Variants in SIK2 observed in about 807,000 individuals in gnomAD.
The protein encoded by SIK2 is salt inducible kinase 2.
In SIK2, 29 loss-of-function variants were observed where a neutral mutation model predicts 103.2. That is an observed-to-expected ratio of 0.28 (90% CI 0.21 to 0.38). The LOEUF (loss-of-function observed/expected upper bound fraction) is 0.38, where lower values mean the gene tolerates loss of function less well. SIK2 is among the 10% of genes least tolerant of loss of function. The pLI, the probability that SIK2 is intolerant of heterozygous loss-of-function variation, is 1.00. For synonymous variants in SIK2, 412 were observed against 446.1 expected (o/e 0.92, Z 0.96); for missense variants, 879 against 1,171.0 (o/e 0.75, Z 3.64).
chr11:111,719,981 A>G lies in SIK2; in HGVS notation c.1473A>G (p.Gln491=), dbSNP rs149194825. ...ACACTCTGTCAGAAGTGACCAATCA[A>G]CTGGTCGTGATGCCTGGGGCAGGTA... The part of the protein sequence containing the change: ...RRHTLSEVTN[Q]LVVMPGAGKI... The change falls in exon 10 of 15, where the codon CAA becomes CAG. Residue 491 remains glutamine (Q), a synonymous_variant. Transcript: ENST00000304987. 1.5e-4 allele frequency: 247 copies of G among 1,613,758 alleles called. No individual in the cohort carries two copies. Among genetic ancestry groups the G allele is most frequent in the Non-Finnish European group, 1.7e-4 (204 of 1,179,878 alleles).
chr11:111,723,648 C>A lies in SIK2; in HGVS notation c.2300C>A (p.Pro767Gln). 6.2e-7 allele frequency: 1 copy of A among 1,614,168 alleles called. No homozygotes were observed. Among genetic ancestry groups the A allele is most frequent in the Non-Finnish European group, 8.5e-7 (1 of 1,180,038 alleles). Residue 767 changes from proline to glutamine, a missense_variant, in exon 15 of 15, where the codon CCG becomes CAG. This residue lies in a region of SIK2 where 375 missense variants were observed against 416.3 expected (regional missense o/e 0.90). Transcript: ENST00000304987. The stretch of plus-strand genomic sequence containing the variant: ...CCACCGCCTTCTCAGCAGGCCCCAC[C>A]GTTCAGCCTGACCCAGCCCCTGAGC... ...ETPPPSQQAP[P>Q]FSLTQPLSPV... is the part of the protein sequence containing the mutation.
At position 111,701,100 on chromosome 11, in the gene SIK2, A is replaced by C; in HGVS notation, c.603+90A>C. 6.8e-7 allele frequency: 1 copy of C among 1,477,492 alleles called. No homozygotes were observed. The highest frequency in any genetic ancestry group is 1.4e-5 in the African/African-American group (1 of 71,080). The allele number at this position is 1,477,492 out of a possible 1,614,324, so 91.5% of individuals were successfully genotyped here. ...ATCTTAGAAGCTCCTGGTACTTAAC[A>C]CATAAGCAGTATTTCATATTTTCCC... On this transcript the variant is annotated intron_variant, in intron 5 of 14. Transcript: ENST00000304987. This position sits in a 1 kb window ranked among gnomAD's most constrained non-coding sequence, Gnocchi z 4.2.
intron 3 of SIK2, among the ~76,000 whole-genome samples, chr11:111,620,659 T>G (rs1202135090): frequency 6.6e-6 from 1 of 152,200 alleles, no homozygotes; most frequent in Non-Finnish European, 1.5e-5. Context: ...TTAGTCATAT[T>G]GCAAAGGATA....
Position 111,701,824 on chromosome 11 carries a change from A to G in SIK2, c.727+249A>G, listed in dbSNP as rs575176351. Among the ~76,000 whole-genome samples, 1 of 152,294 alleles carries G rather than the reference A, an allele frequency of 6.6e-6. No individual in the cohort carries two copies. Among genetic ancestry groups the G allele is most frequent in the East Asian group, 1.9e-4 (1 of 5,194 alleles). On this transcript the variant is annotated intron_variant, in intron 6 of 14. Coordinates refer to ENST00000304987, the MANE Select transcript of SIK2 (RefSeq NM_015191.3). This position sits in a 1 kb window ranked among gnomAD's most constrained non-coding sequence, Gnocchi z 4.2. Reference sequence around the variant, plus strand: ...ATGTCTTCTCATTCATTCTGGGTCTATAAATGTCCCAGGTTTATTTTAGAT... The same window carrying G: ...ATGTCTTCTCATTCATTCTGGGTCTGTAAATGTCCCAGGTTTATTTTAGAT...
chr11:111,725,897 G>A lies in SIK2; in HGVS notation c.*1768G>A, dbSNP rs1013933693. The A allele has an allele frequency of 3.3e-5, 5 of 152,444 alleles. No homozygotes were observed. Among genetic ancestry groups the A allele is most frequent in the Admixed American group, 3.3e-4 (5 of 15,312 alleles). The allele number at this position is 152,444 out of a possible 1,614,324, so 9.4% of individuals were successfully genotyped here. A position where few individuals can be genotyped will look rare whatever the true frequency, so the allele number is the denominator to read the frequency against. ...GTGCTCACGGTTGGACTTGGTGTCA[G>A]TGGGAAAGGGCAGTGTGGGGACTGT... On this transcript the variant is annotated 3_prime_UTR_variant, in exon 15 of 15. Transcript: ENST00000304987.
intron 3 of SIK2, among the ~76,000 whole-genome samples, chr11:111,660,131 G>T (rs1487780716): frequency 6.6e-6 from 1 of 152,158 alleles, no homozygotes; most frequent in African/African-American, 2.4e-5. Context: ...AGCTCTGTTG[G>T]TGAGAAAGAG....
intron 3 of SIK2, among the ~76,000 whole-genome samples, chr11:111,624,511 T>G (rs1318516808): frequency 6.6e-6 from 1 of 152,256 alleles, no homozygotes; most frequent in Non-Finnish European, 1.5e-5. Flanking sequence ...TTATTCATTT[T>G]ATTTTTCTTG....
In SIK2 at chr11:111,688,588, T is replaced by C. The variant is rs1460047118; in HGVS notation, c.478+426T>C. On this transcript the variant is annotated intron_variant, in intron 4 of 14. Coordinates refer to ENST00000304987, the MANE Select transcript of SIK2 (RefSeq NM_015191.3). The surrounding 1 kb of genome is among the most constrained non-coding windows in gnomAD (Gnocchi z 4.2). ...GAAGTGATGGAGGTAGAATGAGAAA[T>C]AGTTGAGACAGAAAAGCACCTTTCC... is the stretch of plus-strand genomic sequence containing the variant. Among the ~76,000 whole-genome samples, 4 of 152,174 alleles carry C rather than the reference T, an allele frequency of 2.6e-5. No individual in the cohort carries two copies. The highest frequency in any genetic ancestry group is 4.8e-5 in the African/African-American group (2 of 41,416).
intron 3 of SIK2, among the ~76,000 whole-genome samples, chr11:111,670,196 C>T (rs1480145835): frequency 6.6e-6 from 1 of 152,206 alleles, no homozygotes; most frequent in Non-Finnish European, 1.5e-5. Flanking sequence ...CTTCATCCCT[C>T]CTCCCTGCTG....
Position 111,688,171 on chromosome 11 carries a change from G to A in SIK2, c.478+9G>A. Reference sequence around the variant, plus strand: ...GAATATCAAAATAGCAGGTAACTGGGACACAACTGGCTCTAATAAGATCCG... The same window carrying A: ...GAATATCAAAATAGCAGGTAACTGGAACACAACTGGCTCTAATAAGATCCG... On this transcript the variant is annotated intron_variant, in intron 4 of 14. Coordinates refer to ENST00000304987, the MANE Select transcript of SIK2 (RefSeq NM_015191.3). This position sits in a 1 kb window ranked among gnomAD's most constrained non-coding sequence, Gnocchi z 4.2. 6.2e-7 allele frequency: 1 copy of A among 1,613,968 alleles called. No individual in the cohort carries two copies. The highest frequency in any genetic ancestry group is 1.3e-5 in the African/African-American group (1 of 75,022).
Position 111,703,550 on chromosome 11 carries a change from A to G in SIK2, c.948+127A>G, listed in dbSNP as rs114467669. The G allele has an allele frequency of 8.0e-4, 589 of 736,058 alleles. 4 individuals carry two copies. The African/African-American group carries it at 9.4e-3, about 12-fold the overall frequency. The allele number at this position is 736,058 out of a possible 1,614,324, so 45.6% of individuals were successfully genotyped here. ...CTAGGCGTACTGTTCAGTGTTCCCT[A>G]TAGATGACATCAGACTCTATTTATA... On this transcript the variant is annotated intron_variant, in intron 7 of 14. Coordinates refer to ENST00000304987, the MANE Select transcript of SIK2 (RefSeq NM_015191.3).
intron 4 of SIK2, among the ~76,000 whole-genome samples, chr11:111,690,008 TA>T (rs2135897760): frequency 1.3e-5 from 2 of 152,204 alleles, no homozygotes; most frequent in South Asian, 4.1e-4. Flanking sequence ...ATATCACACA[TA>T]TACACGTATA....
intron 1 of SIK2, among the ~76,000 whole-genome samples, chr11:111,605,151 C>T (rs546054387): frequency 1.7e-4 from 26 of 151,924 alleles, no homozygotes; most frequent in Non-Finnish European, 2.5e-4. Flanking sequence ...TTAGTAGAGA[C>T]GGGGTTTCAC....
intron 3 of SIK2, among the ~76,000 whole-genome samples, chr11:111,647,343 A>G (rs1439388722): frequency 3.3e-5 from 5 of 152,200 alleles, no homozygotes; most frequent in Admixed American, 1.3e-4. Context: ...CCCTCCAGAC[A>G]TATGACAGAT....
At chr11:111,703,892 G>A (rs1288398606) in intron 7 of SIK2, among the ~76,000 whole-genome samples, 2 of 152,150 alleles carry the variant, frequency 1.3e-5, no homozygotes, top group Non-Finnish European at 2.9e-5. Flanking sequence ...TGATTTGGAA[G>A]TATTAGGGGT....
intron 4 of SIK2, among the ~76,000 whole-genome samples, chr11:111,692,378 A>C (rs867655347): frequency 1.6e-4 from 23 of 144,330 alleles, no homozygotes; most frequent in African/African-American, 5.9e-4. Flanking sequence ...AAAAAAAAAA[A>C]AAAAAAAAAA....
chr11:111,688,646 C>T lies in SIK2; in HGVS notation c.478+484C>T, dbSNP rs117893161. On this transcript the variant is annotated intron_variant, in intron 4 of 14. Transcript: ENST00000304987. This position sits in a 1 kb window ranked among gnomAD's most constrained non-coding sequence, Gnocchi z 4.2. ...GATACGATAGGGTTTTGATTTATAACATGAAAATTAAGTTGGGTAGAGATT... is the reference window on the plus strand; with the variant it reads ...GATACGATAGGGTTTTGATTTATAATATGAAAATTAAGTTGGGTAGAGATT... Among the ~76,000 whole-genome samples the T allele has an allele frequency of 1.1e-3, 170 of 152,318 alleles. No individual in the cohort carries two copies. The highest frequency in any genetic ancestry group is 3.4e-3 in the Middle Eastern group (1 of 294).
intron 3 of SIK2, among the ~76,000 whole-genome samples, chr11:111,623,028 C>A (rs138496588): frequency 6.6e-6 from 1 of 152,290 alleles, no homozygotes; most frequent in Non-Finnish European, 1.5e-5. Context: ...TTCAGATATT[C>A]CAGTCAAATG....
chr11:111,657,476 A>G (rs1421497309), intron 3 of SIK2, among the ~76,000 whole-genome samples: 10 of 151,754 alleles, frequency 6.6e-5, no homozygotes, highest in Admixed American at 6.6e-4. Context: ...TGCAGCCTCA[A>G]CCTCCCAGCC....
Sources: allele counts gnomAD v4.1 joint callset (sites outside exome capture counted in the v4.1 genomes callset), GRCh38; gene constraint gnomAD v4.1.1; regional missense constraint gnomAD v4.1.1; non-coding constraint Gnocchi (gnomAD v3.1); transcripts MANE v1.5; gene names NCBI Gene and HGNC (gene_info 2026-07-23, HGNC 2026-07-21).